Variants in TMEM30A observed in about 807,000 individuals in gnomAD.
TMEM30A encodes the protein cell cycle control protein 50A.
TMEM30A carries 24 observed loss-of-function variants against 38.2 expected under a neutral mutation model. That is an observed-to-expected ratio of 0.63 (90% CI 0.46 to 0.88). TMEM30A has a LOEUF of 0.88. Ranked by LOEUF, TMEM30A falls within the 40% of genes least tolerant of loss-of-function variation. The probability of loss-of-function intolerance (pLI) is 0.00; values close to 1 mark genes in which losing one functional copy is unlikely to be tolerated. For synonymous variants in TMEM30A, 145 were observed against 161.6 expected (o/e 0.90, Z 0.78); for missense variants, 370 against 458.6 (o/e 0.81, Z 1.77).
chr6:75,256,434 TCA>T (rs61289920), intron 6 of TMEM30A, 139 bp from the exon 7 acceptor site: 487,918 of 537,224 alleles, frequency 0.91, 221,586 homozygotes, highest in East Asian at 0.96. Context: ...ACGTTCTAAA[TCA>T]CACACACACA....
At position 75,255,912 on chromosome 6, in the gene TMEM30A, T is replaced by G. The variant is rs558702396; in HGVS notation, c.*190A>C. On this transcript the variant is annotated 3_prime_UTR_variant, in exon 7 of 7. Coordinates refer to ENST00000230461, the MANE Select transcript of TMEM30A (RefSeq NM_018247.4). ...GTTGATATGATCAATATAGCTAATT[T>G]TTTTATACCCGTCATATATTTTTAG... The G allele has an allele frequency of 2.2e-5, 11 of 500,990 alleles. No individual in the cohort carries two copies. In the South Asian group the frequency reaches 2.4e-4, roughly 11 times the overall value. 31.0% of individuals were successfully genotyped at this position (500,990 alleles called of 1,614,324 possible).
rs146973750 is a variant in TMEM30A, at chr6:75,282,107, T to C, written c.237+2295A>G. Reference sequence around the variant, plus strand: ...AAAATCACATTTGAATTGGAAATCATAGAATTTTAGAGTTGAACAACCTCT... The same window carrying C: ...AAAATCACATTTGAATTGGAAATCACAGAATTTTAGAGTTGAACAACCTCT... On this transcript the variant is annotated intron_variant, in intron 1 of 6. Transcript: ENST00000230461. Among the ~76,000 whole-genome samples the C allele has an allele frequency of 5.5e-3, 833 of 152,334 alleles. 5 individuals carry two copies. The highest frequency in any genetic ancestry group is 0.019 in the African/African-American group (802 of 41,578).
rs749110488 is a variant in TMEM30A at position 75,256,136 on chromosome 6, C to T, written c.1052G>A (p.Arg351Lys). The T allele has an allele frequency of 1.9e-6, 3 of 1,611,838 alleles. No individual in the cohort carries two copies. The South Asian group carries it at 3.3e-5, about 18-fold the overall frequency. The change falls in exon 7 of 7, where the codon AGA (arginine) becomes AAA (lysine). Residue 351 changes from arginine to lysine, a missense_variant. Physicochemically the swap from Arg to Lys is conservative, Grantham distance 26 (BLOSUM62 2). Transcript: ENST00000230461. ...AATGTCAGCTGTATTACTACTGTTT[C>T]TATATTTATGATTAATTACTAGCAG... ...VVLLVINHKY[R>K]NSSNTADITI
chr6:75,254,260 A>T lies in TMEM30A; in HGVS notation c.*1842T>A, dbSNP rs918244239. 4 of 152,116 alleles carry T rather than the reference A, an allele frequency of 2.6e-5. No homozygotes were observed. The highest frequency in any genetic ancestry group is 9.7e-5 in the African/African-American group (4 of 41,442). 9.4% of individuals were successfully genotyped at this position (152,116 alleles called of 1,614,324 possible). A position where few individuals can be genotyped will look rare whatever the true frequency, so the allele number is the denominator to read the frequency against. ...GTTAGAAAAAGAGTTGCAGGATGGTAGTCCTCCTTAAACAGCACAGACTCA... is the reference window on the plus strand; with the variant it reads ...GTTAGAAAAAGAGTTGCAGGATGGTTGTCCTCCTTAAACAGCACAGACTCA... On this transcript the variant is annotated 3_prime_UTR_variant, in exon 7 of 7. Transcript: ENST00000230461.
In TMEM30A at chr6:75,265,225, A is replaced by C; in HGVS notation, c.453+6T>G. 4 of 1,516,154 alleles carry C rather than the reference A, an allele frequency of 2.6e-6. No individual in the cohort carries two copies. Among genetic ancestry groups the C allele is most frequent in the African/African-American group, 1.4e-5 (1 of 72,198 alleles). The allele number at this position is 1,516,154 out of a possible 1,614,324, so 93.9% of individuals were successfully genotyped here. ...ATCATATTTTCATATTTATCATTTT[A>C]CTTACAAGCAAAGCACTAGAATCTC... On this transcript the variant is annotated splice_donor_region_variant and intron_variant, in intron 3 of 6. Transcript: ENST00000230461.
chr6:75,272,084 G>A (rs1355498617), intron 1 of TMEM30A, among the ~76,000 whole-genome samples: 2 of 152,180 alleles, frequency 1.3e-5, no homozygotes, highest in African/African-American at 4.8e-5. Context: ...AAATGAGGCA[G>A]CTAAGAAGGT....
At position 75,254,504 on chromosome 6, in the gene TMEM30A, T is replaced by C. The variant is rs974939756; in HGVS notation, c.*1598A>G. 9.2e-5 allele frequency: 14 copies of C among 152,190 alleles called. No individual in the cohort carries two copies. Among genetic ancestry groups the C allele is most frequent in the Non-Finnish European group, 1.5e-4 (10 of 67,992 alleles). 9.4% of individuals were successfully genotyped at this position (152,190 alleles called of 1,614,324 possible). A position where few individuals can be genotyped will look rare whatever the true frequency, so the allele number is the denominator to read the frequency against. ...AATATTTTTACCAGTTAAAAGTCATTATGAAACACACATTCTTTTAACTGA... is the reference window on the plus strand; with the variant it reads ...AATATTTTTACCAGTTAAAAGTCATCATGAAACACACATTCTTTTAACTGA... On this transcript the variant is annotated 3_prime_UTR_variant, in exon 7 of 7. Transcript: ENST00000230461.
chr6:75,280,694 C>T (rs1479749277), intron 1 of TMEM30A, among the ~76,000 whole-genome samples: 4 of 151,888 alleles, frequency 2.6e-5, no homozygotes, highest in Admixed American at 2.6e-4. Flanking sequence ...ACTTGAGAAA[C>T]AAGTTAAAAC....
chr6:75,264,499 G>A (rs547855285), intron 3 of TMEM30A, among the ~76,000 whole-genome samples: 1 of 152,148 alleles, frequency 6.6e-6, no homozygotes, highest in South Asian at 2.1e-4. Flanking sequence ...AGCCGGGCTT[G>A]GTGATGCGCA....
chr6:75,265,395 T>C (rs944851750), intron 2 of TMEM30A, 57 bp from the exon 3 acceptor site: 21 of 1,018,776 alleles, frequency 2.1e-5, no homozygotes, highest in African/African-American at 1.0e-4. Flanking sequence ...TATAAACTTA[T>C]TTCATGTGTA....
At chr6:75,266,393 G>A (rs1192693747) in intron 2 of TMEM30A, among the ~76,000 whole-genome samples, 1 of 152,110 alleles carries the variant, frequency 6.6e-6, no homozygotes, top group African/African-American at 2.4e-5. Flanking sequence ...CACAGAAATT[G>A]AGAAAATGAA....
At chr6:75,259,614 T>C (rs1367684418) in intron 4 of TMEM30A, 124 bp from the exon 5 acceptor site, 3 of 735,814 alleles carry the variant, frequency 4.1e-6, no homozygotes, top group Non-Finnish European at 4.1e-6. Context: ...AGTAGGCATA[T>C]GATTCACATT....
At chr6:75,280,360 T>G (rs898894843) in intron 1 of TMEM30A, among the ~76,000 whole-genome samples, 7 of 152,172 alleles carry the variant, frequency 4.6e-5, no homozygotes, top group Non-Finnish European at 8.8e-5. Context: ...CTTCAGGCTT[T>G]GTGGACCCAG....
chr6:75,284,733 C>CGCT lies in TMEM30A; in HGVS notation c.-96_-95insAGC, dbSNP rs1489715739. The CGCT allele has an allele frequency of 7.3e-4, 913 of 1,245,906 alleles. 1 individual carries two copies. The highest frequency in any genetic ancestry group is 9.1e-4 in the Non-Finnish European group (788 of 865,462). 77.2% of individuals were successfully genotyped at this position (1,245,906 alleles called of 1,614,324 possible). Reference sequence around the variant, plus strand: ...GGAACCGCTCGAGCGCCGCTGCCGCCGCCGCCGCCGCAGCCACCAGCGCCA... The same window carrying CGCT: ...GGAACCGCTCGAGCGCCGCTGCCGCCGCTGCCGCCGCCGCAGCCACCAGCGCCA... On this transcript the variant is annotated 5_prime_UTR_variant, in exon 1 of 7. Coordinates refer to ENST00000230461, the MANE Select transcript of TMEM30A (RefSeq NM_018247.4).
In TMEM30A at chr6:75,256,243, A is replaced by C. The variant is rs758471207; in HGVS notation, c.945T>G (p.Ile315Met). 5 of 1,613,624 alleles carry C rather than the reference A, an allele frequency of 3.1e-6. No individual in the cohort carries two copies. Among genetic ancestry groups the C allele is most frequent in the Non-Finnish European group, 4.2e-6 (5 of 1,179,606 alleles). ...DGRKRMILST[I>M]SWMGGKNPFL... ...ATGGATTTTTTCCTCCCATCCATGA[A>C]ATAGTGCTCAAGATCATCCGTTTTC... The change falls in exon 7 of 7, where the codon ATT becomes ATG. Residue 315 changes from isoleucine (I) to methionine (M), a missense_variant. By Grantham distance (10) the Ile-to-Met change is conservative. Transcript: ENST00000230461.
intron 1 of TMEM30A, among the ~76,000 whole-genome samples, chr6:75,278,046 T>A (rs576267736): frequency 9.8e-4 from 150 of 152,298 alleles, no homozygotes; most frequent in African/African-American, 3.5e-3. Context: ...AATACTCCTA[T>A]AACTTTTTTT....
intron 3 of TMEM30A, 56 bp from the exon 4 acceptor site, chr6:75,260,967 T>G: frequency 8.2e-7 from 1 of 1,219,946 alleles, no homozygotes; most frequent in Non-Finnish European, 1.2e-6. Context: ...TTGGGAGAAC[T>G]ATGAGCTATC....
rs1333839956 is a variant in TMEM30A, at chr6:75,254,291, G to T, written c.*1811C>A. On this transcript the variant is annotated 3_prime_UTR_variant, in exon 7 of 7. Coordinates refer to ENST00000230461, the MANE Select transcript of TMEM30A (RefSeq NM_018247.4). ...CCTTAAACAGCACAGACTCAATCTG[G>T]AAAGAGTGGCAGAAACCCCTCTCCC... The T allele has an allele frequency of 6.6e-6, 1 of 152,046 alleles. No homozygotes were observed. Among genetic ancestry groups the T allele is most frequent in the Admixed American group, 6.6e-5 (1 of 15,230 alleles). The allele number at this position is 152,046 out of a possible 1,614,324, so 9.4% of individuals were successfully genotyped here. A position where few individuals can be genotyped will look rare whatever the true frequency, so the allele number is the denominator to read the frequency against.
chr6:75,268,030 A>C (rs1345972803), intron 1 of TMEM30A, among the ~76,000 whole-genome samples: 1 of 152,232 alleles, frequency 6.6e-6, no homozygotes, highest in Non-Finnish European at 1.5e-5. Flanking sequence ...TCAAAACTGC[A>C]TATTTACATA....
Sources: allele counts gnomAD v4.1 joint callset (sites outside exome capture counted in the v4.1 genomes callset), GRCh38; gene constraint gnomAD v4.1.1; transcripts MANE v1.5; gene names NCBI Gene and HGNC (gene_info 2026-07-23, HGNC 2026-07-21).